Variants in DSCAML1 observed in about 807,000 individuals in gnomAD.
DSCAML1 encodes DS cell adhesion molecule like 1.
In DSCAML1, 38 loss-of-function variants were observed where a neutral mutation model predicts 200.5. That is an observed-to-expected ratio of 0.19 (90% CI 0.15 to 0.25). The LOEUF (loss-of-function observed/expected upper bound fraction) is 0.25, where lower values mean the gene tolerates loss of function less well. Among genes scored for constraint, DSCAML1 ranks in the 10% least tolerant of loss-of-function variants. The pLI, the probability that DSCAML1 is intolerant of heterozygous loss-of-function variation, is 1.00. For missense variants in DSCAML1, 2,223 were observed against 2,858.8 expected, an observed-to-expected ratio of 0.78 and a Z score of 5.07; for synonymous variants, 1,215 against 1,165.0, an observed-to-expected ratio of 1.04 and a Z score of -0.87.
At chr11:117,790,618 T>G (rs2055444120) in intron 1 of DSCAML1, among the ~76,000 whole-genome samples, 1 of 152,224 alleles carries the variant, frequency 6.6e-6, no homozygotes, top group Admixed American at 6.5e-5. Flanking sequence ...TTTACATGTG[T>G]GTGTTCATAT....
intron 1 of DSCAML1, among the ~76,000 whole-genome samples, chr11:117,795,732 C>T (rs1438818343): frequency 6.6e-6 from 1 of 152,176 alleles, no homozygotes; most frequent in East Asian, 1.9e-4. Context: ...ATCCTCTTTC[C>T]CCCAACCCAC....
chr11:117,723,288 A>G (rs1283027427), intron 3 of DSCAML1, among the ~76,000 whole-genome samples: 1 of 152,204 alleles, frequency 6.6e-6, no homozygotes, highest in African/African-American at 2.4e-5. Context: ...CATTTTGGAA[A>G]AAATAGGGGA....
chr11:117,627,091 A>C (rs762828216), intron 3 of DSCAML1, among the ~76,000 whole-genome samples: 42 of 150,940 alleles, frequency 2.8e-4, no homozygotes, highest in Admixed American at 5.2e-4. Flanking sequence ...GACTAATAAC[A>C]GCAGATAATT....
intron 1 of DSCAML1, among the ~76,000 whole-genome samples, chr11:117,783,267 TTCATGGATTTGGGAGCCAAAATCCA>T (rs1278299188): frequency 6.6e-6 from 1 of 152,166 alleles, no homozygotes; most frequent in African/African-American, 2.4e-5. Context: ...CCTTGGCAGC[TTCATGGATTTGGGAGCCAAAATCCA>T]TCACAGTACA....
At chr11:117,588,123 TG>T (rs1194197326) in intron 3 of DSCAML1, among the ~76,000 whole-genome samples, 1 of 152,208 alleles carries the variant, frequency 6.6e-6, no homozygotes, top group Non-Finnish European at 1.5e-5. Context: ...TAGGTTCCAC[TG>T]TCACCCCGAT....
chr11:117,457,829 G>A (rs1463697784), intron 19 of DSCAML1, among the ~76,000 whole-genome samples: 1 of 152,158 alleles, frequency 6.6e-6, no homozygotes, highest in Non-Finnish European at 1.5e-5. Context: ...TAGACTCTGG[G>A]TCTCCATATC....
intron 3 of DSCAML1, among the ~76,000 whole-genome samples, chr11:117,669,031 C>T (rs1351127951): frequency 6.6e-6 from 1 of 152,178 alleles, no homozygotes; most frequent in Non-Finnish European, 1.5e-5. Context: ...CCAGCCACCT[C>T]TCCTCTCCAG....
chr11:117,765,645 G>A (rs868570861), intron 3 of DSCAML1, among the ~76,000 whole-genome samples: 8 of 152,304 alleles, frequency 5.3e-5, no homozygotes, highest in Non-Finnish European at 1.0e-4. Flanking sequence ...CCTACGCATA[G>A]AGAAACTGCA....
At chr11:117,749,388 G>T (rs975058390) in intron 3 of DSCAML1, among the ~76,000 whole-genome samples, 5 of 152,230 alleles carry the variant, frequency 3.3e-5, no homozygotes, top group Admixed American at 6.5e-5. Context: ...TCATGGTGGG[G>T]TGAAGGCCAA....
At chr11:117,616,599 A>G (rs1410128499) in intron 3 of DSCAML1, among the ~76,000 whole-genome samples, 1 of 152,212 alleles carries the variant, frequency 6.6e-6, no homozygotes, top group Non-Finnish European at 1.5e-5. Flanking sequence ...AGACTCCCAA[A>G]AAAGTATACT....
At chr11:117,711,214 A>G (rs1449884914) in intron 3 of DSCAML1, among the ~76,000 whole-genome samples, 3 of 152,144 alleles carry the variant, frequency 2.0e-5, no homozygotes, top group Non-Finnish European at 4.4e-5. Context: ...GGCAAAGCAA[A>G]TGAGGTTGAT....
Position 117,505,611 on chromosome 11 carries a change from C to G in DSCAML1, c.1905G>C (p.Gln635His). Reference protein sequence around the residue: ...PIRITWRKDGQVIISGSGVTI... With the variant: ...PIRITWRKDGHVIISGSGVTI... The stretch of plus-strand genomic sequence containing the variant: ...TCACGCCCGAGCCTGAGATGATCAC[C>G]TGTCCGTCCTTCCTCCAGGTGATAC... The change falls in exon 9 of 33, where the codon CAG becomes CAC. Residue 635 changes from glutamine to histidine, a missense_variant. By Grantham distance (24) the Gln-to-His change is conservative (BLOSUM62 0). Coordinates refer to ENST00000651296, the MANE Select transcript of DSCAML1 (RefSeq NM_020693.4). This position sits in a 1 kb window ranked among gnomAD's most constrained non-coding sequence, Gnocchi z 6.7. 1 of 1,614,080 alleles carries G rather than the reference C, an allele frequency of 6.2e-7. No homozygotes were observed. The highest frequency in any genetic ancestry group is 8.5e-7 in the Non-Finnish European group (1 of 1,180,038).
chr11:117,606,577 C>T (rs938972183), intron 3 of DSCAML1, among the ~76,000 whole-genome samples: 4 of 152,316 alleles, frequency 2.6e-5, no homozygotes, highest in African/African-American at 9.6e-5. Context: ...ATTCTCTCTT[C>T]TCTTAGATAC....
intron 3 of DSCAML1, among the ~76,000 whole-genome samples, chr11:117,739,524 T>A (rs115129684): frequency 0.013 from 1,933 of 152,322 alleles, 43 homozygotes; most frequent in African/African-American, 0.042. Context: ...CAACAGAGAA[T>A]GCCTGGGAGC....
intron 3 of DSCAML1, among the ~76,000 whole-genome samples, chr11:117,660,672 C>G (rs1255903911): frequency 6.6e-6 from 1 of 152,122 alleles, no homozygotes; most frequent in Non-Finnish European, 1.5e-5. Context: ...GAGCCGGGAC[C>G]CAGCTGCCGA....
At chr11:117,456,457 TGTTA>T (rs147917978) in intron 19 of DSCAML1, among the ~76,000 whole-genome samples, 4,286 of 152,340 alleles carry the variant, frequency 0.028, 213 homozygotes, top group African/African-American at 0.097. Flanking sequence ...ATTTGTCACC[TGTTA>T]GTTGAGCGGC....
At position 117,463,727 on chromosome 11, in the gene DSCAML1, C is replaced by G. The variant is rs1040251792; in HGVS notation, c.3265+1215G>C. Reference sequence around the variant, plus strand: ...GGCTCTCCTCCCTCCCCCTGGACTTCTCTGCCACGTGCCTCTTTCCTTCTT... The same window carrying G: ...GGCTCTCCTCCCTCCCCCTGGACTTGTCTGCCACGTGCCTCTTTCCTTCTT... On this transcript the variant is annotated intron_variant, in intron 17 of 32. Coordinates refer to ENST00000651296, the MANE Select transcript of DSCAML1 (RefSeq NM_020693.4). The surrounding 1 kb of genome is among the most constrained non-coding windows in gnomAD (Gnocchi z 4.0). Among the ~76,000 whole-genome samples the G allele has an allele frequency of 3.3e-5, 5 of 152,334 alleles. No individual in the cohort carries two copies. In the South Asian group the frequency reaches 1.0e-3, roughly 32 times the overall value.
In DSCAML1 at chr11:117,780,599, G is replaced by A. The variant is rs759063103; in HGVS notation, c.258C>T (p.Pro86=). ...AGCTATTGAAGGCGGAGGGGGAGAA[G>A]GGGTAGAGCTGCAGCGTCCCGTTGG... ...VHANGTLQLY[P]FSPSAFNSFI... Residue 86 remains proline (P), a synonymous_variant, in exon 2 of 33, where the codon CCC becomes CCT. Coordinates refer to ENST00000651296, the MANE Select transcript of DSCAML1 (RefSeq NM_020693.4). This position sits in a 1 kb window ranked among gnomAD's most constrained non-coding sequence, Gnocchi z 4.8. 1.9e-6 allele frequency: 3 copies of A among 1,586,142 alleles called. No individual in the cohort carries two copies. The highest frequency in any genetic ancestry group is 1.4e-5 in the African/African-American group (1 of 74,004).
rs1294997429 is a variant in DSCAML1, at chr11:117,469,910, C to G, written c.3024G>C (p.Lys1008Asn). 8 of 1,604,788 alleles carry G rather than the reference C, an allele frequency of 5.0e-6. No homozygotes were observed. The highest frequency in any genetic ancestry group is 6.0e-6 in the Non-Finnish European group (7 of 1,174,172). Reference protein sequence around the residue: ...VTSQSIQVTWKAPKKELQNGV... With the variant: ...VTSQSIQVTWNAPKKELQNGV... ...GGGGAGATGCCTTAGACACACTTACCTTCCAGGTCACCTGGATGCTCTGTG... is the reference window on the plus strand; with the variant it reads ...GGGGAGATGCCTTAGACACACTTACGTTCCAGGTCACCTGGATGCTCTGTG... Residue 1008 changes from lysine (K) to asparagine (N), a missense_variant and splice_region_variant, in exon 16 of 33, where the codon AAG becomes AAC. Lys to Asn is a moderately conservative substitution (Grantham distance 94, BLOSUM62 0). Coordinates refer to ENST00000651296, the MANE Select transcript of DSCAML1 (RefSeq NM_020693.4). This position sits in a 1 kb window ranked among gnomAD's most constrained non-coding sequence, Gnocchi z 4.1.
Sources: allele counts gnomAD v4.1 joint callset (sites outside exome capture counted in the v4.1 genomes callset), GRCh38; gene constraint gnomAD v4.1.1; non-coding constraint Gnocchi (gnomAD v3.1); transcripts MANE v1.5; gene names NCBI Gene and HGNC (gene_info 2026-07-23, HGNC 2026-07-21).